Variants in ARHGAP26 observed in about 807,000 individuals in gnomAD.
ARHGAP26 encodes rho GTPase-activating protein 26.
A neutral mutation model predicts 104.8 loss-of-function variants in ARHGAP26; 38 were observed. The observed-to-expected ratio is 0.36, with a 90% CI of 0.28 to 0.48. The LOEUF (loss-of-function observed/expected upper bound fraction) is 0.48, where lower values mean the gene tolerates loss of function less well. ARHGAP26 is among the 20% of genes least tolerant of loss of function. The pLI is 0.99. For missense variants in ARHGAP26, 704 were observed against 947.9 expected (o/e 0.74, Z 3.38); for synonymous variants, 341 against 340.0 (o/e 1.00, Z -0.03).
At chr5:142,841,917 G>A (rs937294803) in intron 1 of ARHGAP26, among the ~76,000 whole-genome samples, 5 of 152,180 alleles carry the variant, frequency 3.3e-5, no homozygotes, top group African/African-American at 1.2e-4. Context: ...CACCTCTCTT[G>A]TGAGCTCTGC....
chr5:142,771,427 G>T (rs1394174553), intron 1 of ARHGAP26: 17 of 1,231,412 alleles, frequency 1.4e-5, no homozygotes, highest in East Asian at 3.2e-5. Context: ...TAGTCAGGCC[G>T]CCGGGTTCCC....
intron 11 of ARHGAP26, among the ~76,000 whole-genome samples, chr5:142,997,826 G>T (rs182282851): frequency 6.6e-6 from 1 of 151,358 alleles, no homozygotes; most frequent in African/African-American, 2.4e-5. Flanking sequence ...TGCTGATATC[G>T]TGTCTAAGTG....
chr5:143,095,230 T>G (rs1024523019), intron 17 of ARHGAP26, among the ~76,000 whole-genome samples: 3 of 151,808 alleles, frequency 2.0e-5, no homozygotes, highest in African/African-American at 7.2e-5. Flanking sequence ...GAAATTCACT[T>G]AACATAAATT....
intron 11 of ARHGAP26, among the ~76,000 whole-genome samples, chr5:142,996,042 G>C (rs1776330759): frequency 6.6e-6 from 1 of 152,120 alleles, no homozygotes; most frequent in Admixed American, 6.5e-5. Flanking sequence ...GGCCTACTGG[G>C]GGGTGGGGAG....
chr5:143,054,338 G>C, intron 14 of ARHGAP26, 101 bp from the exon 15 acceptor site: 13 of 679,182 alleles, frequency 1.9e-5, no homozygotes, highest in Non-Finnish European at 3.1e-5. Context: ...GTTTTACTTT[G>C]CATTTCTCTA....
chr5:143,100,544 C>T (rs187870511), intron 17 of ARHGAP26, among the ~76,000 whole-genome samples: 61 of 152,340 alleles, frequency 4.0e-4, no homozygotes, highest in African/African-American at 1.3e-3. Flanking sequence ...CTTGTACTTA[C>T]GGTATCACCT....
At position 143,118,636 on chromosome 5, in the gene ARHGAP26, G is replaced by A. The variant is rs185049011; in HGVS notation, c.1539-2352G>A. On this transcript the variant is annotated intron_variant, in intron 17 of 22. Transcript: ENST00000645722. ...AAAATTTAAAAACTAGCCAGGTGTG[G>A]TGGCGCATGCCTGTAGTCCTAGCTA... Among the ~76,000 whole-genome samples the A allele has an allele frequency of 2.5e-3, 381 of 152,344 alleles. 5 individuals are homozygous for A. The highest frequency in any genetic ancestry group is 8.6e-3 in the African/African-American group (356 of 41,576).
intron 1 of ARHGAP26, among the ~76,000 whole-genome samples, chr5:142,823,916 G>A (rs941583799): frequency 7.2e-5 from 11 of 152,162 alleles, no homozygotes; most frequent in South Asian, 2.1e-4. Flanking sequence ...AAAAGTGGTC[G>A]TCTTATTTGT....
chr5:143,012,918 T>A (rs1272087302), intron 11 of ARHGAP26, among the ~76,000 whole-genome samples: 2 of 151,986 alleles, frequency 1.3e-5, no homozygotes. Flanking sequence ...CCTCCCAAAG[T>A]GCTGGGATTC....
At chr5:143,168,972 T>C (rs1802414756) in intron 20 of ARHGAP26, 1 of 152,250 alleles carries the variant, frequency 6.6e-6, no homozygotes, top group Admixed American at 6.5e-5. Flanking sequence ...TCTCAAACTG[T>C]AAGTGAACTA....
chr5:142,784,784 G>A (rs999229667), intron 1 of ARHGAP26, among the ~76,000 whole-genome samples: 4 of 152,078 alleles, frequency 2.6e-5, no homozygotes, highest in Admixed American at 2.6e-4. Context: ...TTTAGTATAT[G>A]CACAGGATTT....
At chr5:143,202,866 T>C (rs1459152725) in intron 20 of ARHGAP26, 1 of 152,184 alleles carries the variant, frequency 6.6e-6, no homozygotes, top group Non-Finnish European at 1.5e-5. Flanking sequence ...GAAAATTGGC[T>C]AGCCATATGC....
At chr5:142,773,078 G>A (rs1440688548) in intron 1 of ARHGAP26, among the ~76,000 whole-genome samples, 1 of 152,096 alleles carries the variant, frequency 6.6e-6, no homozygotes, top group African/African-American at 2.4e-5. Flanking sequence ...ACTTGATCAG[G>A]TCAGGTGACC....
At chr5:142,945,812 A>T (rs1198488524) in intron 11 of ARHGAP26, among the ~76,000 whole-genome samples, 1 of 152,210 alleles carries the variant, frequency 6.6e-6, no homozygotes, top group Non-Finnish European at 1.5e-5. Context: ...ACACTGATAC[A>T]ATATTATTAT....
At chr5:142,874,710 A>G (rs1415944263) in intron 2 of ARHGAP26, among the ~76,000 whole-genome samples, 1 of 152,174 alleles carries the variant, frequency 6.6e-6, no homozygotes, top group Non-Finnish European at 1.5e-5. Flanking sequence ...CTCTGGTGCC[A>G]AAGAAAAGGC....
chr5:143,012,574 T>TACATATATATATATATATAC (rs1420404412), intron 11 of ARHGAP26, among the ~76,000 whole-genome samples: 2 of 87,934 alleles, frequency 2.3e-5, no homozygotes, highest in Non-Finnish European at 5.7e-5. Context: ...TATATATATA[T>TACATATATATATATATATAC]ATTATGATCA....
chr5:142,975,889 A>G (rs760176402), intron 11 of ARHGAP26, among the ~76,000 whole-genome samples: 1 of 152,246 alleles, frequency 6.6e-6, no homozygotes, highest in Non-Finnish European at 1.5e-5. Flanking sequence ...GCATTCTGCA[A>G]ATAACAAGAA....
chr5:143,011,429 A>T (rs1288618933), intron 11 of ARHGAP26, among the ~76,000 whole-genome samples: 3 of 151,656 alleles, frequency 2.0e-5, no homozygotes, highest in Non-Finnish European at 4.4e-5. Flanking sequence ...CAGAGATTAC[A>T]GATGTCTAGT....
intron 14 of ARHGAP26, among the ~76,000 whole-genome samples, chr5:143,051,109 T>G (rs1784949304): frequency 6.6e-6 from 1 of 152,198 alleles, no homozygotes; most frequent in South Asian, 2.1e-4. Flanking sequence ...ACTTTCTCAC[T>G]TAAAGAGAGA....
Sources: allele counts gnomAD v4.1 joint callset (sites outside exome capture counted in the v4.1 genomes callset), GRCh38; gene constraint gnomAD v4.1.1; transcripts MANE v1.5; gene names NCBI Gene and HGNC (gene_info 2026-07-23, HGNC 2026-07-21).